Variants in ZCCHC17 observed in about 807,000 individuals in gnomAD.
The protein encoded by ZCCHC17 is zinc finger CCHC domain-containing protein 17.
In ZCCHC17, 18 loss-of-function variants were observed where a neutral mutation model predicts 30.6. The ratio of observed to expected loss-of-function variants is 0.59; its 90% confidence interval spans 0.41 to 0.87. ZCCHC17 has a LOEUF of 0.87. Ranked by LOEUF, ZCCHC17 falls within the 40% of genes least tolerant of loss-of-function variation. ZCCHC17 has a pLI of 0.00. For missense variants in ZCCHC17, 263 were observed against 284.2 expected, an observed-to-expected ratio of 0.93 and a Z score of 0.54; for synonymous variants, 88 against 92.4, an observed-to-expected ratio of 0.95 and a Z score of 0.27.
chr1:31,303,234 T>G (rs529532529), intron 1 of ZCCHC17, among the ~76,000 whole-genome samples: 1 of 152,212 alleles, frequency 6.6e-6, no homozygotes, highest in South Asian at 2.1e-4. Flanking sequence ...GGGAGCCATG[T>G]TTGGACCATT....
intron 1 of ZCCHC17, among the ~76,000 whole-genome samples, chr1:31,304,127 C>T (rs1646386626): frequency 6.6e-6 from 1 of 152,192 alleles, no homozygotes; most frequent in African/African-American, 2.4e-5. Flanking sequence ...TTAAAACATG[C>T]AAGCAAAATG....
intron 1 of ZCCHC17, among the ~76,000 whole-genome samples, chr1:31,305,269 T>C (rs983624786): frequency 6.6e-6 from 1 of 151,886 alleles, no homozygotes; most frequent in African/African-American, 2.4e-5. Context: ...ATTTCAGAGT[T>C]GACTTTTTTT....
intron 1 of ZCCHC17, among the ~76,000 whole-genome samples, chr1:31,298,758 C>A (rs936427574): frequency 2.0e-5 from 3 of 152,310 alleles, no homozygotes; most frequent in African/African-American, 7.2e-5. Flanking sequence ...GTTTGAAATA[C>A]AGCTTTGTGC....
intron 7 of ZCCHC17, among the ~76,000 whole-genome samples, 200 bp downstream of exon 7, chr1:31,349,174 C>A (rs548669414): frequency 1.3e-5 from 2 of 150,654 alleles, no homozygotes; most frequent in South Asian, 4.2e-4. Context: ...CCACTCTGAA[C>A]AACATAGTGA....
At chr1:31,363,957 C>T in intron 7 of ZCCHC17, 75 bp from the exon 8 acceptor site, 4 of 1,554,324 alleles carry the variant, frequency 2.6e-6, no homozygotes, top group Non-Finnish European at 3.5e-6. Flanking sequence ...GCCACTGCAC[C>T]TGGCCAATTA....
chr1:31,315,399 G>A (rs7533667), intron 2 of ZCCHC17, among the ~76,000 whole-genome samples: 118,960 of 152,024 alleles, frequency 0.78, 46,957 homozygotes, highest in African/African-American at 0.84. Context: ...TGAGAAGCCA[G>A]TATTCATCCT....
In ZCCHC17 at chr1:31,364,181, G is replaced by A; in HGVS notation, c.714G>A (p.Lys238=). 1 of 1,613,442 alleles carries A rather than the reference G, an allele frequency of 6.2e-7. No homozygotes were observed. The highest frequency in any genetic ancestry group is 8.5e-7 in the Non-Finnish European group (1 of 1,179,846). Reference sequence around the variant, plus strand: ...AAAAGAAGAAGAAGCACAAGAAGAAGCACAAGGAGTGAGAGTATAAAGAGT... The same window carrying A: ...AAAAGAAGAAGAAGCACAAGAAGAAACACAAGGAGTGAGAGTATAAAGAGT... ...KKKKKKKHKK[K]HKE Residue 238 remains lysine, a synonymous_variant, in exon 8 of 8, where the codon AAG becomes AAA. Transcript: ENST00000344147.
At chr1:31,354,281 T>G (rs1212518705) in intron 7 of ZCCHC17, among the ~76,000 whole-genome samples, 3 of 152,256 alleles carry the variant, frequency 2.0e-5, no homozygotes. Context: ...CATGTTCGTT[T>G]TGTATTCTGC....
rs952548483 is a variant in ZCCHC17 at position 31,345,748 on chromosome 1, A to G, written c.318-892A>G. Among the ~76,000 whole-genome samples the G allele has an allele frequency of 7.3e-5, 11 of 151,108 alleles. No homozygotes were observed. The South Asian group carries it at 1.5e-3, about 20-fold the overall frequency. ...GTGAAGGGGAAGCAAGCATATCTTC[A>G]TATGGCGGCAGGAGAGAAAGAGAGA... is the stretch of plus-strand genomic sequence containing the variant. On this transcript the variant is annotated intron_variant, in intron 5 of 7. Transcript: ENST00000344147.
At chr1:31,351,169 T>C (rs1410716877) in intron 7 of ZCCHC17, among the ~76,000 whole-genome samples, 1 of 152,170 alleles carries the variant, frequency 6.6e-6, no homozygotes, top group Non-Finnish European at 1.5e-5. Flanking sequence ...TCAGCAATAC[T>C]CTCCCAGTCT....
At chr1:31,341,562 C>G (rs1226251487) in intron 5 of ZCCHC17, among the ~76,000 whole-genome samples, 1 of 152,092 alleles carries the variant, frequency 6.6e-6, no homozygotes, top group Non-Finnish European at 1.5e-5. Context: ...AATCAAGTGG[C>G]TGAAACAGTA....
intron 1 of ZCCHC17, 145 bp downstream of exon 1, chr1:31,297,220 A>T: frequency 2.5e-6 from 1 of 399,992 alleles, no homozygotes; most frequent in African/African-American, 2.1e-5. Flanking sequence ...TGTGGTAAGT[A>T]GTAGCCTGGG....
intron 7 of ZCCHC17, among the ~76,000 whole-genome samples, chr1:31,360,779 C>T (rs1639855862): frequency 6.6e-6 from 1 of 152,100 alleles, no homozygotes; most frequent in South Asian, 2.1e-4. Context: ...GTGGTTTTGC[C>T]GCTTTAGCCT....
chr1:31,355,602 C>T (rs961798639), intron 7 of ZCCHC17, among the ~76,000 whole-genome samples: 1 of 152,190 alleles, frequency 6.6e-6, no homozygotes, highest in Non-Finnish European at 1.5e-5. Flanking sequence ...ATATTCTTTT[C>T]TGTATATCAC....
intron 7 of ZCCHC17, among the ~76,000 whole-genome samples, chr1:31,355,765 G>C (rs143957522): frequency 6.6e-6 from 1 of 152,242 alleles, no homozygotes; most frequent in East Asian, 1.9e-4. Context: ...CCCAGCTACC[G>C]TTAGCCATCA....
chr1:31,305,797 C>T (rs1476232036), intron 1 of ZCCHC17, among the ~76,000 whole-genome samples: 1 of 151,980 alleles, frequency 6.6e-6, no homozygotes, highest in East Asian at 1.9e-4. Flanking sequence ...TCTGAGTAAC[C>T]GCAATAGAAC....
intron 7 of ZCCHC17, among the ~76,000 whole-genome samples, chr1:31,356,134 G>T (rs1203731781): frequency 6.6e-6 from 1 of 152,164 alleles, no homozygotes; most frequent in African/African-American, 2.4e-5. Context: ...AGTTAAAAAA[G>T]TAACTCATGA....
intron 3 of ZCCHC17, among the ~76,000 whole-genome samples, chr1:31,327,750 A>G (rs1638413566): frequency 6.6e-6 from 1 of 152,206 alleles, no homozygotes; most frequent in African/African-American, 2.4e-5. Flanking sequence ...CAATTTTGAT[A>G]TGCCAGAGAG....
At chr1:31,314,476 G>A (rs1156987469) in intron 2 of ZCCHC17, among the ~76,000 whole-genome samples, 3 of 150,126 alleles carry the variant, frequency 2.0e-5, no homozygotes, top group East Asian at 3.9e-4. Context: ...CCTAATCTAT[G>A]CCAGCACTTT....
Sources: gnomAD v4.1 joint callset for allele counts (sites outside exome capture counted in the v4.1 genomes callset) on GRCh38, gnomAD v4.1.1 for gene constraint, MANE v1.5 for transcripts, NCBI Gene and HGNC (gene_info 2026-07-23, HGNC 2026-07-21) for gene names.